The following ACTR3C variants were observed in gnomAD, a reference collection of about 807,000 sequenced individuals.
ACTR3C encodes the protein actin-related protein 3C.
In ACTR3C, 18 loss-of-function variants were observed where a neutral mutation model predicts 26.3. The ratio of observed to expected loss-of-function variants is 0.68; its 90% CI spans 0.47 to 1.01. The LOEUF (loss-of-function observed/expected upper bound fraction) is 1.01. ACTR3C is among the 50% of genes least tolerant of loss of function. ACTR3C has a pLI of 0.00. For missense variants in ACTR3C, 184 were observed against 250.7 expected, an observed-to-expected ratio of 0.73 and a Z score of 1.80; for synonymous variants, 55 against 94.5, an observed-to-expected ratio of 0.58 and a Z score of 2.42.
chr7:150,099,607 G>T, the ACTR3C span, among the ~76,000 whole-genome samples: 1 of 151,652 alleles, frequency 6.6e-6, no homozygotes, highest in African/African-American at 2.4e-5. Context: ...GAGGAGGACA[G>T]GGATGGAAGG....
the ACTR3C span, among the ~76,000 whole-genome samples, chr7:150,207,760 T>C: frequency 1.3e-5 from 2 of 152,172 alleles, no homozygotes; most frequent in Non-Finnish European, 1.5e-5. Context: ...TTTCATAGTG[T>C]CTTCCAGTCT....
At chr7:150,057,709 T>C in the ACTR3C span, among the ~76,000 whole-genome samples, 5 of 152,220 alleles carry the variant, frequency 3.3e-5, no homozygotes, top group Non-Finnish European at 7.3e-5. Flanking sequence ...CTTGGATTTG[T>C]CCATATGACT....
At chr7:150,223,172 A>C in the ACTR3C span, among the ~76,000 whole-genome samples, 1 of 152,228 alleles carries the variant, frequency 6.6e-6, no homozygotes, top group African/African-American at 2.4e-5. Flanking sequence ...ATTTCAAATA[A>C]ATGAAGTCAT....
At chr7:150,303,543 C>G (rs1223586570) in intron 1 of ACTR3C, among the ~76,000 whole-genome samples, 1 of 152,198 alleles carries the variant, frequency 6.6e-6, no homozygotes, top group East Asian at 1.9e-4. Context: ...TTTAAAGGAA[C>G]ATTTACAATA....
At chr7:150,209,496 A>T in the ACTR3C span, among the ~76,000 whole-genome samples, 3 of 150,760 alleles carry the variant, frequency 2.0e-5, no homozygotes, top group African/African-American at 7.5e-5. Context: ...TTTATTTATG[A>T]TCCATTTCGA....
At chr7:150,090,314 G>A in the ACTR3C span, among the ~76,000 whole-genome samples, 60,522 of 152,104 alleles carry the variant, frequency 0.4, 13,230 homozygotes, top group East Asian at 0.68. Flanking sequence ...TTTGCAACAT[G>A]CCAGAGCCCT....
At chr7:150,182,838 C>T in the ACTR3C span, among the ~76,000 whole-genome samples, 2 of 150,934 alleles carry the variant, frequency 1.3e-5, no homozygotes, top group Non-Finnish European at 2.9e-5. Context: ...ATAAATTATT[C>T]TAGGCATAAT....
the ACTR3C span, among the ~76,000 whole-genome samples, chr7:149,994,846 T>C: frequency 1.6e-5 from 2 of 123,692 alleles, no homozygotes; most frequent in African/African-American, 6.5e-5. Context: ...TTAACATTCT[T>C]TTTTTTTTTT....
At chr7:150,319,472 G>T (rs1324068872) in intron 1 of ACTR3C, among the ~76,000 whole-genome samples, 1 of 152,200 alleles carries the variant, frequency 6.6e-6, no homozygotes, top group East Asian at 1.9e-4. Flanking sequence ...CTCCCAAAGT[G>T]CTGGGATTAT....
the ACTR3C span, among the ~76,000 whole-genome samples, chr7:149,952,405 T>C: frequency 2.0e-5 from 3 of 147,676 alleles, no homozygotes; most frequent in Non-Finnish European, 4.4e-5. Context: ...TGCAGATGAA[T>C]AACTGAATTT....
At chr7:149,927,489 G>A in the ACTR3C span, among the ~76,000 whole-genome samples, 1 of 151,630 alleles carries the variant, frequency 6.6e-6, no homozygotes, top group Admixed American at 6.6e-5. Context: ...AGCACTTTGG[G>A]ACGCCGAGGC....
the ACTR3C span, among the ~76,000 whole-genome samples, chr7:150,137,160 G>C: frequency 1.3e-5 from 2 of 152,176 alleles, no homozygotes; most frequent in Non-Finnish European, 2.9e-5. Flanking sequence ...TTGATTCACA[G>C]CCCAGGGGTT....
the ACTR3C span, among the ~76,000 whole-genome samples, chr7:150,211,321 C>T: frequency 6.7e-6 from 1 of 150,122 alleles, no homozygotes; most frequent in African/African-American, 2.5e-5. Context: ...CTCACTCTGT[C>T]ACCCAGGCTG....
At chr7:150,223,142 C>G in the ACTR3C span, among the ~76,000 whole-genome samples, 7 of 152,210 alleles carry the variant, frequency 4.6e-5, no homozygotes, top group Admixed American at 4.6e-4. Flanking sequence ...TCACCATAGA[C>G]TAGCTTTGCT....
At chr7:150,212,592 C>G in the ACTR3C span, among the ~76,000 whole-genome samples, 1 of 151,204 alleles carries the variant, frequency 6.6e-6, no homozygotes, top group South Asian at 2.1e-4. Flanking sequence ...CACGGGTACT[C>G]TTTCTTATTT....
chr7:150,114,580 A>AT, the ACTR3C span, among the ~76,000 whole-genome samples: 1 of 152,074 alleles, frequency 6.6e-6, no homozygotes, highest in South Asian at 2.1e-4. Context: ...TTAAAAAGCA[A>AT]TTTTTTTACA....
At chr7:150,205,493 A>C in the ACTR3C span, among the ~76,000 whole-genome samples, 2 of 152,186 alleles carry the variant, frequency 1.3e-5, no homozygotes, top group African/African-American at 4.8e-5. Flanking sequence ...TGTTACATAA[A>C]CTACGCAACT....
the ACTR3C span, among the ~76,000 whole-genome samples, chr7:150,026,298 CAAAT>C: frequency 2.6e-5 from 4 of 151,990 alleles, no homozygotes; most frequent in East Asian, 1.9e-4. Context: ...CAGCAAAAAA[CAAAT>C]AAAATAGCAT....
At chr7:150,075,694 T>A in the ACTR3C span, among the ~76,000 whole-genome samples, 3 of 152,206 alleles carry the variant, frequency 2.0e-5, no homozygotes, top group African/African-American at 7.2e-5. Flanking sequence ...GCAAGGTCCC[T>A]CAAGTTCTCC....
Sources: gnomAD v4.1 joint callset for allele counts (sites outside exome capture counted in the v4.1 genomes callset) on GRCh38, gnomAD v4.1.1 for gene constraint, MANE v1.5 for transcripts, NCBI Gene and HGNC (gene_info 2026-07-23, HGNC 2026-07-21) for gene names.